Variants in SNX18 observed in about 807,000 individuals in gnomAD.
The protein encoded by SNX18 is sorting nexin-18.
In SNX18, 35 loss-of-function variants were observed where a neutral mutation model predicts 48.7. The observed-to-expected ratio is 0.72, with a 90% CI of 0.55 to 0.95. SNX18 has a LOEUF of 0.95. Among genes scored for constraint, SNX18 ranks in the 40% least tolerant of loss-of-function variants. The pLI, the probability that SNX18 is intolerant of heterozygous loss-of-function variation, is 0.00. For missense variants in SNX18, 824 were observed against 871.0 expected, an observed-to-expected ratio of 0.95 and a Z score of 0.68; for synonymous variants, 492 against 384.7, an observed-to-expected ratio of 1.28 and a Z score of -3.26.
the SNX18 span, among the ~76,000 whole-genome samples, chr5:54,642,812 A>G: frequency 6.6e-5 from 10 of 152,282 alleles, no homozygotes; most frequent in East Asian, 1.2e-3. Flanking sequence ...CCTACTGTCA[A>G]TTGTATCCAG....
At chr5:54,556,762 T>C in the SNX18 span, among the ~76,000 whole-genome samples, 1 of 152,128 alleles carries the variant, frequency 6.6e-6, no homozygotes, top group African/African-American at 2.4e-5. Context: ...ACTTGCAGGA[T>C]TGGGGGGTAT....
At chr5:54,606,061 T>C in the SNX18 span, among the ~76,000 whole-genome samples, 3 of 152,254 alleles carry the variant, frequency 2.0e-5, no homozygotes, top group Non-Finnish European at 4.4e-5. Context: ...AAATTCAATA[T>C]TGAAAATCAT....
At chr5:54,559,936 G>A in the SNX18 span, among the ~76,000 whole-genome samples, 47,533 of 151,946 alleles carry the variant, frequency 0.31, 7,660 homozygotes, top group Middle Eastern at 0.39. Context: ...CATACATGCA[G>A]CCAACAAGCA....
At chr5:54,639,794 A>C in the SNX18 span, among the ~76,000 whole-genome samples, 1 of 144,908 alleles carries the variant, frequency 6.9e-6, no homozygotes, top group Non-Finnish European at 1.5e-5. Flanking sequence ...AGCGATTTGC[A>C]GATTTTCTGA....
the SNX18 span, chr5:54,644,028 C>G: frequency 2.0e-5 from 3 of 152,236 alleles, no homozygotes; most frequent in Admixed American, 2.0e-4. Context: ...AACAGCACAT[C>G]TCTTTGGACT....
At chr5:54,573,272 C>T in the SNX18 span, among the ~76,000 whole-genome samples, 6 of 152,170 alleles carry the variant, frequency 3.9e-5, no homozygotes, top group East Asian at 1.9e-4. Context: ...ACATCCTACT[C>T]GGTCTATGGA....
the SNX18 span, among the ~76,000 whole-genome samples, chr5:54,568,642 T>C: frequency 2.0e-5 from 3 of 152,208 alleles, no homozygotes; most frequent in Non-Finnish European, 4.4e-5. Context: ...TGCTTCCATG[T>C]GACTCAACTC....
chr5:54,645,889 A>T, the SNX18 span: 6 of 152,144 alleles, frequency 3.9e-5, no homozygotes, highest in Non-Finnish European at 7.4e-5. Context: ...GAAGTTGGAA[A>T]TCCTTTTTAT....
chr5:54,582,632 C>CA, the SNX18 span, among the ~76,000 whole-genome samples: 8 of 151,292 alleles, frequency 5.3e-5, no homozygotes, highest in African/African-American at 7.3e-5. Flanking sequence ...AAAACAACAA[C>CA]AAAAAAAACA....
At chr5:54,589,509 G>C in the SNX18 span, among the ~76,000 whole-genome samples, 1 of 152,204 alleles carries the variant, frequency 6.6e-6, no homozygotes, top group African/African-American at 2.4e-5. Context: ...TGCACGATAG[G>C]TTGAGTCCTC....
At chr5:54,550,549 A>G (rs1193656699), downstream of SNX18, among the ~76,000 whole-genome samples, 2 of 152,240 alleles carry the variant, frequency 1.3e-5, no homozygotes, top group Non-Finnish European at 2.9e-5. Context: ...CCTTTGAGCA[A>G]AACAAAGCGA....
chr5:54,528,183 G>T (rs1201131550), intron 1 of SNX18, among the ~76,000 whole-genome samples: 1 of 151,806 alleles, frequency 6.6e-6, no homozygotes, highest in Non-Finnish European at 1.5e-5. Flanking sequence ...TCATTAGTAA[G>T]TTTTAGTTAT....
rs1043025660 is a variant in SNX18, at chr5:54,546,020, A to G, written c.*2588A>G. 7.2e-5 allele frequency: 11 copies of G among 152,160 alleles called. No individual in the cohort carries two copies. The highest frequency in any genetic ancestry group is 6.5e-4 in the Admixed American group (10 of 15,272). 9.4% of individuals were successfully genotyped at this position (152,160 alleles called of 1,614,324 possible). On this transcript the variant is annotated 3_prime_UTR_variant, in exon 2 of 2. Transcript: ENST00000381410. Reference sequence around the variant, plus strand: ...ACGCAGCGAGACTGGTTCTACAGCCATGTGTCGTAATCTTGTTCCCCGTCC... The same window carrying G: ...ACGCAGCGAGACTGGTTCTACAGCCGTGTGTCGTAATCTTGTTCCCCGTCC...
At chr5:54,550,070 T>A (rs906397069), downstream of SNX18, among the ~76,000 whole-genome samples, 3 of 152,252 alleles carry the variant, frequency 2.0e-5, no homozygotes, top group African/African-American at 7.2e-5. Flanking sequence ...ATGGTGCTTC[T>A]GTTGGTGTTT....
chr5:54,536,691 C>A (rs1002943653), intron 1 of SNX18, among the ~76,000 whole-genome samples: 3 of 152,134 alleles, frequency 2.0e-5, no homozygotes, highest in Non-Finnish European at 4.4e-5. Context: ...AATAAACATA[C>A]GTGTGTATGT....
rs771938801 is a variant in SNX18, at chr5:54,518,216, C to T, written c.264C>T (p.Pro88=). ...YANVPPGGFE[P]LPVAPPASFK... Reference sequence around the variant, plus strand: ...ATGTGCCCCCCGGGGGCTTCGAGCCCCTGCCTGTCGCGCCCCCCGCCTCCT... The same window carrying T: ...ATGTGCCCCCCGGGGGCTTCGAGCCTCTGCCTGTCGCGCCCCCCGCCTCCT... The change falls in exon 1 of 2, where the codon CCC becomes CCT. Residue 88 remains proline (P), a synonymous_variant. Transcript: ENST00000381410. 7.1e-7 allele frequency: 1 copy of T among 1,407,986 alleles called. No individual in the cohort carries two copies. The highest frequency in any genetic ancestry group is 9.2e-7 in the Non-Finnish European group (1 of 1,090,850). The allele number at this position is 1,407,986 out of a possible 1,614,324, so 87.2% of individuals were successfully genotyped here.
the SNX18 span, among the ~76,000 whole-genome samples, chr5:54,608,089 T>C: frequency 6.6e-6 from 1 of 152,196 alleles, no homozygotes; most frequent in African/African-American, 2.4e-5. Flanking sequence ...TTAAAGAGAC[T>C]GCCAAACTAT....
the SNX18 span, among the ~76,000 whole-genome samples, chr5:54,564,145 A>G: frequency 2.6e-5 from 4 of 152,106 alleles, no homozygotes; most frequent in East Asian, 5.8e-4. Context: ...GGGCGCCTGT[A>G]GTCCCAGCTA....
At chr5:54,555,140 C>A in the SNX18 span, among the ~76,000 whole-genome samples, 1 of 152,216 alleles carries the variant, frequency 6.6e-6, no homozygotes, top group Non-Finnish European at 1.5e-5. Flanking sequence ...GAATCCTACT[C>A]CTCCTTTGGG....
Sources: allele counts gnomAD v4.1 joint callset (sites outside exome capture counted in the v4.1 genomes callset), GRCh38; gene constraint gnomAD v4.1.1; transcripts MANE v1.5; gene names NCBI Gene and HGNC (gene_info 2026-07-23, HGNC 2026-07-21).